EYA3: variants seen among roughly 807,000 people sequenced by gnomAD.
The protein encoded by EYA3 is EYA transcriptional coactivator and phosphatase 3.
A neutral mutation model predicts 80.0 loss-of-function variants in EYA3; 39 were observed. That is an observed-to-expected ratio of 0.49 (90% CI 0.38 to 0.64). The LOEUF (loss-of-function observed/expected upper bound fraction) is 0.64. Among genes scored for constraint, EYA3 ranks in the 30% least tolerant of loss-of-function variants. The probability of loss-of-function intolerance (pLI) is 0.00; values close to 1 mark genes in which losing one functional copy is unlikely to be tolerated. For missense variants in EYA3, 523 were observed against 676.1 expected (o/e 0.77, Z 2.51); for synonymous variants, 206 against 232.8 (o/e 0.88, Z 1.05).
intron 13 of EYA3, 116 bp downstream of exon 13, chr1:27,997,204 G>A: frequency 1.1e-6 from 1 of 913,284 alleles, no homozygotes; most frequent in East Asian, 2.5e-5. Flanking sequence ...TCCTCTAACA[G>A]GTTGTGAGCT....
chr1:28,038,869 T>C lies in EYA3; in HGVS notation c.194A>G (p.Asn65Ser), dbSNP rs371072200. The stretch of plus-strand genomic sequence containing the variant: ...AGAATACATTTGTGAGGTATAATCA[T>C]TGGATGAGCGAGGGATGTAATCGGT... ...TCTDYIPRSS[N>S]DYTSQMYSAK... The change falls in exon 5 of 18, where the codon AAT becomes AGT. Residue 65 changes from asparagine to serine, a missense_variant. Coordinates refer to ENST00000373871, the MANE Select transcript of EYA3 (RefSeq NM_001990.4). 1.2e-6 allele frequency: 2 copies of C among 1,600,762 alleles called. No homozygotes were observed. Among genetic ancestry groups the C allele is most frequent in the Admixed American group, 1.7e-5 (1 of 59,684 alleles).
intron 4 of EYA3, among the ~76,000 whole-genome samples, chr1:28,042,370 A>G (rs1643833822): frequency 1.3e-5 from 2 of 152,122 alleles, no homozygotes; most frequent in African/African-American, 2.4e-5. Context: ...GGGTGAGTGG[A>G]CTCCATGTGA....
At chr1:28,019,739 T>C (rs1363744432) in intron 7 of EYA3, among the ~76,000 whole-genome samples, 4 of 152,104 alleles carry the variant, frequency 2.6e-5, no homozygotes, top group African/African-American at 9.7e-5. Context: ...GTATCACTCT[T>C]GTTGCCCAGG....
intron 1 of EYA3, among the ~76,000 whole-genome samples, chr1:28,085,270 G>A (rs12410571): frequency 0.068 from 10,320 of 152,092 alleles, 617 homozygotes; most frequent in East Asian, 0.25. Flanking sequence ...GGGCAACATG[G>A]TGAAACTCTG....
intron 2 of EYA3, among the ~76,000 whole-genome samples, chr1:28,049,906 A>G (rs1298729767): frequency 1.3e-5 from 2 of 152,198 alleles, no homozygotes; most frequent in Non-Finnish European, 2.9e-5. Flanking sequence ...ATATTCTTCC[A>G]ATAGTGGAGA....
Position 28,017,157 on chromosome 1 carries a change from G to A in EYA3, c.582C>T (p.Asn194=), listed in dbSNP as rs761309601. Residue 194 remains asparagine (N), a synonymous_variant, in exon 8 of 18, where the codon AAC becomes AAT. Coordinates refer to ENST00000373871, the MANE Select transcript of EYA3 (RefSeq NM_001990.4). ...IPAAAVASIS[N]QDYPTYTILG... ...ATGAACAAAGGTAGCATCATACCTG[G>A]TTTGAGATGCTGGCTACTGCTGCTG... 1 of 1,611,928 alleles carries A rather than the reference G, an allele frequency of 6.2e-7. No individual in the cohort carries two copies. Among genetic ancestry groups the A allele is most frequent in the East Asian group, 2.2e-5 (1 of 44,844 alleles).
intron 16 of EYA3, among the ~76,000 whole-genome samples, chr1:27,980,422 A>C (rs150599665): frequency 1.5e-3 from 236 of 152,348 alleles, no homozygotes; most frequent in African/African-American, 5.5e-3. Flanking sequence ...GCAGTAACTC[A>C]TATTTTGAGG....
At chr1:28,032,896 G>A (rs61789704) in intron 6 of EYA3, among the ~76,000 whole-genome samples, 2,136 of 152,084 alleles carry the variant, frequency 0.014, 23 homozygotes, top group Admixed American at 0.036. Context: ...AACAATCCTG[G>A]GTTCAATTAT....
intron 7 of EYA3, among the ~76,000 whole-genome samples, chr1:28,027,554 G>C (rs915894533): frequency 6.6e-6 from 1 of 152,022 alleles, no homozygotes; most frequent in African/African-American, 2.4e-5. Context: ...AAAAGGGAAG[G>C]CTTCAATTCT....
chr1:28,041,261 G>A (rs1187972290), intron 4 of EYA3, among the ~76,000 whole-genome samples: 1 of 152,238 alleles, frequency 6.6e-6, no homozygotes, highest in Non-Finnish European at 1.5e-5. Context: ...CTATTCGGAA[G>A]GCTGAGTCAG....
intron 1 of EYA3, among the ~76,000 whole-genome samples, chr1:28,059,083 A>G (rs192994363): frequency 1.0e-3 from 156 of 152,350 alleles, no homozygotes; most frequent in African/African-American, 3.7e-3. Context: ...AAAATAGACA[A>G]ATAACAAGAA....
chr1:28,027,770 C>T lies in EYA3; in HGVS notation c.499+19G>A, dbSNP rs1370509710. 8 of 1,612,994 alleles carry T rather than the reference C, an allele frequency of 5.0e-6. No individual in the cohort carries two copies. In the South Asian group the frequency reaches 6.6e-5, roughly 13 times the overall value. ...AATAATAATAATTTTAAAACACACA[C>T]ACAACCATGCCTATTTACCTTGAAT... On this transcript the variant is annotated intron_variant, in intron 7 of 17. Transcript: ENST00000373871.
Position 28,035,654 on chromosome 1 carries a change from G to A in EYA3, c.251C>T (p.Pro84Leu). Residue 84 changes from proline (P) to leucine (L), a missense_variant, in exon 6 of 18, where the codon CCT (proline) becomes CTT (leucine). By Grantham distance (98) the Pro-to-Leu change is moderately conservative (BLOSUM62 -3). Coordinates refer to ENST00000373871, the MANE Select transcript of EYA3 (RefSeq NM_001990.4). ...TCCAGGGTAAGCAGTTTCCGAAACAGGAACTGAGAGAATATGTGCATAAGG... is the reference window on the plus strand; with the variant it reads ...TCCAGGGTAAGCAGTTTCCGAAACAAGAACTGAGAGAATATGTGCATAAGG... ...AKPYAHILSVPVSETAYPGQT... is the reference protein window; with the variant it reads ...AKPYAHILSVLVSETAYPGQT... 1.2e-6 allele frequency: 2 copies of A among 1,614,054 alleles called. No homozygotes were observed. Among genetic ancestry groups the A allele is most frequent in the Non-Finnish European group, 1.7e-6 (2 of 1,179,984 alleles).
At chr1:28,022,386 G>T (rs1642499867) in intron 7 of EYA3, among the ~76,000 whole-genome samples, 1 of 151,948 alleles carries the variant, frequency 6.6e-6, no homozygotes, top group Admixed American at 6.5e-5. Flanking sequence ...CTGACCTCGT[G>T]ATCTGCCTGC....
chr1:28,029,329 A>T (rs774915055), intron 6 of EYA3, among the ~76,000 whole-genome samples: 2 of 152,226 alleles, frequency 1.3e-5, no homozygotes, highest in Non-Finnish European at 2.9e-5. Context: ...GTGATGTGTA[A>T]AGACAATTGT....
At chr1:28,077,205 G>A in intron 1 of EYA3, among the ~76,000 whole-genome samples, 1 of 148,744 alleles carries the variant, frequency 6.7e-6, no homozygotes. Flanking sequence ...CTGGATTCAA[G>A]CGATTCTCCT....
intron 10 of EYA3, 145 bp downstream of exon 10, chr1:28,010,802 C>T (rs1014907877): frequency 8.6e-5 from 74 of 857,298 alleles, no homozygotes; most frequent in Non-Finnish European, 1.2e-4. Context: ...TTTCTTTTAA[C>T]GTGGCCAATT....
chr1:27,977,626 G>A (rs1011109046), intron 17 of EYA3, among the ~76,000 whole-genome samples: 11 of 151,900 alleles, frequency 7.2e-5, no homozygotes, highest in Admixed American at 5.2e-4. Context: ...CGAGGCAGGC[G>A]GATCACAAGG....
intron 11 of EYA3, among the ~76,000 whole-genome samples, chr1:28,003,647 A>G (rs1015061969): frequency 2.6e-5 from 4 of 152,120 alleles, no homozygotes; most frequent in Admixed American, 6.5e-5. Context: ...GGCTCAAGCA[A>G]TCTTCCCACC....
Sources: allele counts gnomAD v4.1 joint callset (sites outside exome capture counted in the v4.1 genomes callset), GRCh38; gene constraint gnomAD v4.1.1; transcripts MANE v1.5; gene names NCBI Gene and HGNC (gene_info 2026-07-23, HGNC 2026-07-21).